The following NRG4 variants were observed in gnomAD, a reference collection of about 807,000 sequenced individuals.
NRG4 encodes pro-neuregulin-4, membrane-bound isoform.
In NRG4, 10 loss-of-function variants were observed where a neutral mutation model predicts 15.0. That is an observed-to-expected ratio of 0.67 (90% CI 0.41 to 1.13). The LOEUF (loss-of-function observed/expected upper bound fraction) is 1.13, where lower values mean the gene tolerates loss of function less well. Ranked by LOEUF, NRG4 falls within the 50% of genes most tolerant of loss-of-function variation. The pLI is 0.00. For missense variants in NRG4, 139 were observed against 140.2 expected (o/e 0.99, Z 0.04); for synonymous variants, 41 against 50.1 (o/e 0.82, Z 0.77).
At chr15:76,049,216 C>T (rs2035941583) in intron 4 of NRG4, among the ~76,000 whole-genome samples, 1 of 150,920 alleles carries the variant, frequency 6.6e-6, no homozygotes, top group Non-Finnish European at 1.5e-5. Context: ...TACACACACA[C>T]ACTCTGACCA....
intron 3 of NRG4, among the ~76,000 whole-genome samples, chr15:75,967,112 C>CAAAAAAAA (rs1300663699): frequency 2.0e-5 from 1 of 51,158 alleles, no homozygotes; most frequent in African/African-American, 7.4e-5. Context: ...GACTCCGTCT[C>CAAAAAAAA]AAAAAAAAAA....
rs1408025317 is a variant in NRG4, at chr15:75,941,094, G to A, written c.*2544C>T. ...ACAAAACTCCCAAAATGCAACAACA[G>A]TGTAAAAACCTGATTTAAAAAATGG... On this transcript the variant is annotated 3_prime_UTR_variant, in exon 6 of 6. Transcript: ENST00000394907. 6.6e-6 allele frequency: 1 copy of A among 152,130 alleles called. No homozygotes were observed. Among genetic ancestry groups the A allele is most frequent in the Non-Finnish European group, 1.5e-5 (1 of 67,996 alleles). 9.4% of individuals were successfully genotyped at this position (152,130 alleles called of 1,614,324 possible).
intron 3 of NRG4, among the ~76,000 whole-genome samples, chr15:75,966,127 C>T (rs2032781048): frequency 7.1e-6 from 1 of 140,258 alleles, no homozygotes; most frequent in Non-Finnish European, 1.7e-5. Flanking sequence ...ATTATCTGCT[C>T]CCAAACACAG....
intron 4 of NRG4, among the ~76,000 whole-genome samples, chr15:75,958,075 C>CGAT (rs1404450573): frequency 6.6e-6 from 1 of 151,906 alleles, no homozygotes; most frequent in Non-Finnish European, 1.5e-5. Context: ...TGCAGTGGTG[C>CGAT]GATCTCAGCT....
chr15:76,003,875 C>G (rs1355202222), intron 3 of NRG4, among the ~76,000 whole-genome samples: 1 of 152,086 alleles, frequency 6.6e-6, no homozygotes, highest in Non-Finnish European at 1.5e-5. Flanking sequence ...TTAAGGCATT[C>G]CGAGATAAAA....
rs956261518 is a variant in NRG4, at chr15:75,977,642, A to G, written c.105-15668T>C. On this transcript the variant is annotated intron_variant, in intron 3 of 5. Coordinates refer to ENST00000394907, the MANE Select transcript of NRG4 (RefSeq NM_138573.4). The surrounding 1 kb of genome is among the most constrained non-coding windows in gnomAD (Gnocchi z 4.9). Reference sequence around the variant, plus strand: ...CTTCGGCTCACCCTCTGTGGGCTGCATCGACTGTCTAACCAGTCCCAGTGA... The same window carrying G: ...CTTCGGCTCACCCTCTGTGGGCTGCGTCGACTGTCTAACCAGTCCCAGTGA... Among the ~76,000 whole-genome samples, 3 of 152,042 alleles carry G rather than the reference A, an allele frequency of 2.0e-5. No individual in the cohort carries two copies. Among genetic ancestry groups the G allele is most frequent in the African/African-American group, 7.2e-5 (3 of 41,470 alleles).
exon 1 of NRG4, chr15:76,059,782 C>A (rs2036251331): frequency 1.3e-5 from 2 of 149,046 alleles, no homozygotes; most frequent in African/African-American, 4.9e-5. Flanking sequence ...GCCGCGCCGC[C>A]GTTCCGCAGC....
chr15:76,019,185 C>G (rs896444874), intron 5 of NRG4, among the ~76,000 whole-genome samples: 1 of 152,168 alleles, frequency 6.6e-6, no homozygotes, highest in Admixed American at 6.5e-5. Flanking sequence ...CCTCCCTCCA[C>G]CAAGCTCAAG....
At chr15:75,953,276 T>TA (rs1185836740) in intron 5 of NRG4, among the ~76,000 whole-genome samples, 1 of 152,210 alleles carries the variant, frequency 6.6e-6, no homozygotes, top group African/African-American at 2.4e-5. Flanking sequence ...AAAAGACTAT[T>TA]ATTACCCCCC....
intron 5 of NRG4, among the ~76,000 whole-genome samples, chr15:75,944,020 C>T (rs1300012808): frequency 2.0e-5 from 3 of 151,690 alleles, no homozygotes; most frequent in Non-Finnish European, 4.4e-5. Flanking sequence ...GAAAAGATTG[C>T]TAGAGTGAGT....
chr15:76,043,348 GA>G (rs2035791352), intron 4 of NRG4, among the ~76,000 whole-genome samples: 1 of 152,098 alleles, frequency 6.6e-6, no homozygotes, highest in Admixed American at 6.5e-5. Context: ...TGGAAAGGAA[GA>G]AATCAAATTA....
intron 3 of NRG4, among the ~76,000 whole-genome samples, chr15:76,002,219 G>A (rs1287848863): frequency 6.6e-6 from 1 of 152,182 alleles, no homozygotes; most frequent in Non-Finnish European, 1.5e-5. Flanking sequence ...TAAACTGTTA[G>A]AAGATACTTG....
chr15:76,057,601 G>C (rs2036182843), intron 1 of NRG4, among the ~76,000 whole-genome samples: 1 of 152,070 alleles, frequency 6.6e-6, no homozygotes, highest in African/African-American at 2.4e-5. Flanking sequence ...AGTTTGGGGA[G>C]GTGCTGTGAA....
At chr15:75,982,461 A>G (rs2033643719) in intron 3 of NRG4, among the ~76,000 whole-genome samples, 1 of 152,212 alleles carries the variant, frequency 6.6e-6, no homozygotes, top group South Asian at 2.1e-4. Context: ...GTGGAATATG[A>G]GAGGTTCCAC....
At chr15:75,964,027 T>A (rs1486968274) in intron 3 of NRG4, among the ~76,000 whole-genome samples, 2 of 152,136 alleles carry the variant, frequency 1.3e-5, no homozygotes, top group East Asian at 3.9e-4. Context: ...AAATTACCAA[T>A]TTTTCCATAG....
chr15:76,002,851 G>T (rs529846348), intron 3 of NRG4, among the ~76,000 whole-genome samples: 2 of 152,232 alleles, frequency 1.3e-5, no homozygotes, highest in South Asian at 4.1e-4. Context: ...CTGGGGGAAG[G>T]AGAAGCAGGC....
chr15:75,963,899 T>A (rs529996848), intron 3 of NRG4, among the ~76,000 whole-genome samples: 1 of 152,024 alleles, frequency 6.6e-6, no homozygotes, highest in South Asian at 2.1e-4. Context: ...GCTATGATCA[T>A]GCCACTGCAG....
chr15:76,024,754 A>G (rs2035257939), intron 5 of NRG4, among the ~76,000 whole-genome samples: 1 of 152,204 alleles, frequency 6.6e-6, no homozygotes, highest in Non-Finnish European at 1.5e-5. Flanking sequence ...TTCCTGAGAC[A>G]CTCATAAATG....
chr15:75,943,625 CT>C lies in NRG4; in HGVS notation c.*12del. 1.3e-6 allele frequency: 2 copies of C among 1,538,102 alleles called. No individual in the cohort carries two copies. Among genetic ancestry groups the C allele is most frequent in the Non-Finnish European group, 1.8e-6 (2 of 1,112,914 alleles). On this transcript the variant is annotated 3_prime_UTR_variant, in exon 6 of 6. Coordinates refer to ENST00000394907, the MANE Select transcript of NRG4 (RefSeq NM_138573.4). ...AAAATAAAAACAATGATTTGGTTCA[CT>C]TTGACGTTTCTTCAGTGTTGTTCAT... is the stretch of plus-strand genomic sequence containing the variant.
Sources: allele counts gnomAD v4.1 joint callset (sites outside exome capture counted in the v4.1 genomes callset), GRCh38; gene constraint gnomAD v4.1.1; non-coding constraint Gnocchi (gnomAD v3.1); transcripts MANE v1.5; gene names NCBI Gene and HGNC (gene_info 2026-07-23, HGNC 2026-07-21).